NKAIN2: variants seen among roughly 807,000 people sequenced by gnomAD.
NKAIN2 encodes the protein sodium/potassium-transporting ATPase subunit beta-1-interacting protein 2.
A neutral mutation model predicts 32.6 loss-of-function variants in NKAIN2; 14 were observed. That is an observed-to-expected ratio of 0.43 (90% CI 0.28 to 0.67). The LOEUF (loss-of-function observed/expected upper bound fraction) is 0.67. Among genes scored for constraint, NKAIN2 ranks in the 30% least tolerant of loss-of-function variants. NKAIN2 has a pLI of 0.17. For synonymous variants in NKAIN2, 80 were observed against 87.2 expected, an observed-to-expected ratio of 0.92 and a Z score of 0.46; for missense variants, 198 against 258.3, an observed-to-expected ratio of 0.77 and a Z score of 1.60.
chr6:124,805,535 A>G (rs1301480142), intron 5 of NKAIN2, among the ~76,000 whole-genome samples: 8 of 152,120 alleles, frequency 5.3e-5, no homozygotes, highest in African/African-American at 1.7e-4. Context: ...AACCACAAAG[A>G]TGGGGAAAAA....
chr6:123,829,788 G>C (rs1037077474), intron 1 of NKAIN2, among the ~76,000 whole-genome samples: 1 of 152,130 alleles, frequency 6.6e-6, no homozygotes, highest in African/African-American at 2.4e-5. Context: ...CACATTCAAC[G>C]TAACGAAAAG....
chr6:124,618,067 T>C (rs1470222137), intron 3 of NKAIN2, among the ~76,000 whole-genome samples: 1 of 152,254 alleles, frequency 6.6e-6, no homozygotes, highest in Non-Finnish European at 1.5e-5. Flanking sequence ...ATGCAATTTC[T>C]GTGCAAATTT....
Position 124,359,799 on chromosome 6 carries a change from C to T in NKAIN2, c.273+4452C>T, listed in dbSNP as rs551170984. On this transcript the variant is annotated intron_variant, in intron 3 of 6. Transcript: ENST00000368417. The stretch of plus-strand genomic sequence containing the variant: ...TGCCTGATTGCTCTGGCCAGAACTT[C>T]CAACACTATGTTGAATAGGAGTGGT... Among the ~76,000 whole-genome samples, 35 of 152,252 alleles carry T rather than the reference C, an allele frequency of 2.3e-4. No homozygotes were observed. In the South Asian group the frequency reaches 6.8e-3, roughly 30 times the overall value.
intron 5 of NKAIN2, among the ~76,000 whole-genome samples, chr6:124,791,882 G>A (rs992076528): frequency 6.6e-6 from 1 of 152,136 alleles, no homozygotes; most frequent in Non-Finnish European, 1.5e-5. Flanking sequence ...GAAATCAAAT[G>A]TCCATCTGTC....
intron 1 of NKAIN2, among the ~76,000 whole-genome samples, chr6:123,857,975 G>A (rs1248319500): frequency 1.3e-5 from 2 of 152,240 alleles, no homozygotes; most frequent in Non-Finnish European, 2.9e-5. Flanking sequence ...TGGAGAGATA[G>A]TGTGAATGTG....
chr6:124,788,267 T>A (rs1779591441), intron 4 of NKAIN2, among the ~76,000 whole-genome samples: 1 of 152,130 alleles, frequency 6.6e-6, no homozygotes, highest in South Asian at 2.1e-4. Context: ...TAGGATGTTA[T>A]TGTTTAAACA....
chr6:124,641,697 G>A (rs1029746801), intron 3 of NKAIN2, among the ~76,000 whole-genome samples: 1 of 151,318 alleles, frequency 6.6e-6, no homozygotes, highest in Non-Finnish European at 1.5e-5. Context: ...GACTACAGGT[G>A]TGCACCACCA....
At chr6:124,167,338 A>G (rs1477603629) in intron 1 of NKAIN2, among the ~76,000 whole-genome samples, 1 of 151,106 alleles carries the variant, frequency 6.6e-6, no homozygotes, top group Non-Finnish European at 1.5e-5. Context: ...TTGGTGTATA[A>G]GAATGCTTGT....
chr6:124,048,345 A>G (rs183489219), intron 1 of NKAIN2, among the ~76,000 whole-genome samples: 22 of 152,164 alleles, frequency 1.4e-4, no homozygotes, highest in Admixed American at 3.3e-4. Flanking sequence ...ATGGGTGGAT[A>G]GAAGAACCTA....
intron 3 of NKAIN2, among the ~76,000 whole-genome samples, chr6:124,420,755 G>A (rs571577317): frequency 1.3e-5 from 2 of 152,136 alleles, no homozygotes; most frequent in South Asian, 2.1e-4. Context: ...ATGAGGTTGT[G>A]TTTGTCTATG....
At chr6:124,793,723 C>T (rs1430663271) in intron 5 of NKAIN2, among the ~76,000 whole-genome samples, 2 of 149,640 alleles carry the variant, frequency 1.3e-5, no homozygotes, top group African/African-American at 4.9e-5. Flanking sequence ...AAGTTTGACA[C>T]TGAAAATTTA....
At chr6:123,925,454 T>A (rs774881409) in intron 1 of NKAIN2, among the ~76,000 whole-genome samples, 9 of 152,198 alleles carry the variant, frequency 5.9e-5, no homozygotes, top group Non-Finnish European at 8.8e-5. Flanking sequence ...AAAACCTGCT[T>A]ATGAATAGAC....
chr6:124,036,632 C>T (rs1011002846), intron 1 of NKAIN2, among the ~76,000 whole-genome samples: 1 of 152,002 alleles, frequency 6.6e-6, no homozygotes, highest in African/African-American at 2.4e-5. Context: ...ATTTTAAGTT[C>T]CTTTACAAAC....
chr6:123,912,522 C>A (rs1447296596), intron 1 of NKAIN2, among the ~76,000 whole-genome samples: 5 of 152,142 alleles, frequency 3.3e-5, no homozygotes, highest in Non-Finnish European at 7.3e-5. Flanking sequence ...AAATTTATCT[C>A]TTTTAAATGA....
intron 3 of NKAIN2, among the ~76,000 whole-genome samples, chr6:124,474,882 T>TACATATATTG (rs1333562260): frequency 2.1e-5 from 3 of 146,042 alleles, no homozygotes; most frequent in African/African-American, 2.5e-5. Context: ...ATATTGTATA[T>TACATATATTG]TATATATTAT....
chr6:124,054,280 G>A (rs1482804076), intron 1 of NKAIN2, among the ~76,000 whole-genome samples: 3 of 152,056 alleles, frequency 2.0e-5, no homozygotes, highest in African/African-American at 4.8e-5. Flanking sequence ...TCATTGCACT[G>A]GCACACTGAT....
chr6:124,707,465 A>G (rs1332840485), intron 4 of NKAIN2, among the ~76,000 whole-genome samples: 1 of 149,612 alleles, frequency 6.7e-6, no homozygotes, highest in African/African-American at 2.5e-5. Context: ...CAACAGTGTA[A>G]AGGTGTTCCT....
At chr6:124,627,505 T>C (rs1365118000) in intron 3 of NKAIN2, among the ~76,000 whole-genome samples, 2 of 152,156 alleles carry the variant, frequency 1.3e-5, no homozygotes, top group Non-Finnish European at 2.9e-5. Context: ...GTTGTTCAGC[T>C]TCAGTGTTCT....
intron 3 of NKAIN2, among the ~76,000 whole-genome samples, chr6:124,388,269 T>C (rs1023672664): frequency 1.3e-5 from 2 of 152,056 alleles, no homozygotes; most frequent in Non-Finnish European, 2.9e-5. Flanking sequence ...GTTAGGTTTA[T>C]TTATTATACC....
Sources: allele counts gnomAD v4.1 joint callset (sites outside exome capture counted in the v4.1 genomes callset), GRCh38; gene constraint gnomAD v4.1.1; transcripts MANE v1.5; gene names NCBI Gene and HGNC (gene_info 2026-07-23, HGNC 2026-07-21).